Variants in CPEB1 observed in about 807,000 individuals in gnomAD.
CPEB1 encodes the protein cytoplasmic polyadenylation element binding protein 1.
CPEB1 carries 7 observed loss-of-function variants against 65.8 expected under a neutral mutation model. The observed-to-expected ratio is 0.11, with a 90% CI of 0.06 to 0.20. CPEB1 has a LOEUF of 0.20. Among genes scored for constraint, CPEB1 ranks in the 10% least tolerant of loss-of-function variants. The pLI is 1.00. For missense variants in CPEB1, 551 were observed against 712.2 expected (o/e 0.77, Z 2.58); for synonymous variants, 262 against 260.0 (o/e 1.01, Z -0.08).
rs377642839 is a variant in CPEB1, at chr15:82,557,960, C to T, written c.487G>A (p.Gly163Arg). The change falls in exon 5 of 13, where the codon GGA (glycine) becomes AGA (arginine). Residue 163 changes from glycine to arginine, a missense_variant. Coordinates refer to ENST00000684509, the MANE Select transcript of CPEB1 (RefSeq NM_001365242.1). ...AAGGGGGGTTTTCCTAGGACATTTC[C>T]CAGTGGGTTATGGAGCATGCTCAGT... ...SVLSMLHNPL[G>R]NVLGKPPLSF... is the part of the protein sequence containing the mutation. The T allele has an allele frequency of 5.0e-6, 8 of 1,612,700 alleles. No homozygotes were observed. Among genetic ancestry groups the T allele is most frequent in the South Asian group, 1.1e-5 (1 of 90,872 alleles).
At chr15:82,607,372 G>A (rs1420812952) in intron 3 of CPEB1, among the ~76,000 whole-genome samples, 1 of 152,190 alleles carries the variant, frequency 6.6e-6, no homozygotes, top group African/African-American at 2.4e-5. Flanking sequence ...TGGATCACCT[G>A]AGGTCAGGAG....
At chr15:82,598,840 A>G (rs1286410845) in intron 3 of CPEB1, among the ~76,000 whole-genome samples, 1 of 152,144 alleles carries the variant, frequency 6.6e-6, no homozygotes, top group Non-Finnish European at 1.5e-5. Flanking sequence ...AATTACAACC[A>G]ATATTGACCA....
At chr15:82,552,692 C>A (rs993943838) in intron 8 of CPEB1, 76 bp from the exon 9 acceptor site, 10 of 1,499,448 alleles carry the variant, frequency 6.7e-6, no homozygotes, top group Non-Finnish European at 8.3e-6. Flanking sequence ...TGCAGCAGGG[C>A]GTTTCTTCCA....
chr15:82,609,603 A>G (rs2043942176), intron 3 of CPEB1, among the ~76,000 whole-genome samples: 1 of 152,034 alleles, frequency 6.6e-6, no homozygotes, highest in African/African-American at 2.4e-5. Flanking sequence ...AGGAAGCAAC[A>G]AAGATTAAAG....
intron 3 of CPEB1, among the ~76,000 whole-genome samples, chr15:82,574,497 C>T (rs2040420166): frequency 1.3e-5 from 2 of 151,934 alleles, no homozygotes; most frequent in South Asian, 2.1e-4. Context: ...GCAGGCAGAT[C>T]GCTTGAGGTC....
intron 1 of CPEB1, among the ~76,000 whole-genome samples, chr15:82,643,500 G>A (rs1400811244): frequency 5.3e-5 from 8 of 151,870 alleles, no homozygotes; most frequent in African/African-American, 1.5e-4. Context: ...GTGGTGGCGC[G>A]TGCCTATAGT....
At chr15:82,572,248 A>G (rs966890494) in intron 3 of CPEB1, among the ~76,000 whole-genome samples, 3 of 152,196 alleles carry the variant, frequency 2.0e-5, no homozygotes, top group Admixed American at 6.5e-5. Context: ...GTGGCCCCTG[A>G]GCAGCACCCT....
At position 82,577,662 on chromosome 15, in the gene CPEB1, A is replaced by C. The variant is rs541440304; in HGVS notation, c.272-6130T>G. On this transcript the variant is annotated intron_variant, in intron 3 of 12. Coordinates refer to ENST00000684509, the MANE Select transcript of CPEB1 (RefSeq NM_001365242.1). ...CCCAAGTAGCTGGGACTACAGGTGC[A>C]TGCCACCATACCTGGCTAATTTTTT... Among the ~76,000 whole-genome samples the C allele has an allele frequency of 3.3e-5, 5 of 152,170 alleles. No individual in the cohort carries two copies. In the East Asian group the frequency reaches 5.8e-4, roughly 18 times the overall value.
intron 1 of CPEB1, among the ~76,000 whole-genome samples, chr15:82,642,860 A>G (rs1316133879): frequency 1.3e-5 from 2 of 152,180 alleles, no homozygotes; most frequent in Non-Finnish European, 2.9e-5. Flanking sequence ...TGCCTCCAAT[A>G]CTAGCTACTA....
chr15:82,595,260 TGAACGACAC>T (rs2042584500), intron 3 of CPEB1, among the ~76,000 whole-genome samples: 1 of 152,246 alleles, frequency 6.6e-6, no homozygotes, highest in African/African-American at 2.4e-5. Context: ...TGGGATATTA[TGAACGACAC>T]TGTTACAAAT....
intron 1 of CPEB1, among the ~76,000 whole-genome samples, chr15:82,641,958 A>G (rs909657966): frequency 5.9e-5 from 9 of 152,198 alleles, no homozygotes; most frequent in African/African-American, 1.7e-4. Context: ...TACATCTACA[A>G]TGTGAATTTA....
chr15:82,613,972 T>C (rs535385706), intron 3 of CPEB1, among the ~76,000 whole-genome samples: 6 of 151,914 alleles, frequency 3.9e-5, no homozygotes, highest in African/African-American at 1.2e-4. Context: ...TCTGAGTCCC[T>C]GCCGGCAAGC....
chr15:82,617,713 A>G (rs138473677), intron 3 of CPEB1, among the ~76,000 whole-genome samples: 156 of 145,836 alleles, frequency 1.1e-3, no homozygotes, highest in African/African-American at 3.9e-3. Flanking sequence ...ATTGTTATTA[A>G]TTCTATTAAA....
chr15:82,561,948 A>T (rs1476640461), intron 4 of CPEB1, among the ~76,000 whole-genome samples: 2 of 152,216 alleles, frequency 1.3e-5, no homozygotes. Context: ...TAAGCTTCTA[A>T]CAACTTACTG....
chr15:82,626,826 TTATAA>T (rs1401010020), intron 3 of CPEB1, among the ~76,000 whole-genome samples: 1 of 152,184 alleles, frequency 6.6e-6, no homozygotes, highest in Non-Finnish European at 1.5e-5. Flanking sequence ...TGTTGTCATA[TTATAA>T]TATATTGGGT....
intron 3 of CPEB1, among the ~76,000 whole-genome samples, chr15:82,590,431 T>C (rs947005831): frequency 1.3e-5 from 2 of 152,170 alleles, no homozygotes; most frequent in African/African-American, 4.8e-5. Flanking sequence ...AAGAAACCTG[T>C]ATCCTTTCAG....
intron 3 of CPEB1, among the ~76,000 whole-genome samples, chr15:82,622,760 G>A (rs2045420515): frequency 6.6e-6 from 1 of 152,100 alleles, no homozygotes; most frequent in Non-Finnish European, 1.5e-5. Context: ...TCTAACCAGG[G>A]GTTCAACCTT....
At chr15:82,629,522 A>C (rs1055116843) in intron 1 of CPEB1, 92 of 985,246 alleles carry the variant, frequency 9.3e-5, no homozygotes, top group East Asian at 2.3e-4. Flanking sequence ...TCGGTAAATA[A>C]CACCACCATC....
At chr15:82,641,957 A>T (rs763619866) in intron 1 of CPEB1, among the ~76,000 whole-genome samples, 2 of 152,194 alleles carry the variant, frequency 1.3e-5, no homozygotes, top group Admixed American at 6.5e-5. Context: ...TTACATCTAC[A>T]ATGTGAATTT....
Sources: gnomAD v4.1 joint callset for allele counts (sites outside exome capture counted in the v4.1 genomes callset) on GRCh38, gnomAD v4.1.1 for gene constraint, MANE v1.5 for transcripts, NCBI Gene and HGNC (gene_info 2026-07-23, HGNC 2026-07-21) for gene names.